CAST: variants seen among roughly 807,000 people sequenced by gnomAD.
CAST encodes MIR583 host.
A neutral mutation model predicts 119.6 loss-of-function variants in CAST; 76 were observed. That is an observed-to-expected ratio of 0.64 (90% CI 0.53 to 0.77). The LOEUF (loss-of-function observed/expected upper bound fraction) is 0.77, where lower values mean the gene tolerates loss of function less well. CAST is among the 30% of genes least tolerant of loss of function. CAST has a pLI of 0.00. For missense variants in CAST, 953 were observed against 946.5 expected (o/e 1.01, Z -0.09); for synonymous variants, 319 against 331.6 (o/e 0.96, Z 0.41).
intron 1 of CAST, among the ~76,000 whole-genome samples, chr5:96,674,027 C>T (rs542208113): frequency 1.3e-5 from 2 of 152,244 alleles, no homozygotes; most frequent in South Asian, 2.1e-4. Context: ...AAAACACTAT[C>T]GAGAAAGGAT....
the CAST span, among the ~76,000 whole-genome samples, chr5:96,307,484 T>A: frequency 6.6e-6 from 1 of 152,234 alleles, no homozygotes. Flanking sequence ...GTGCATTTGA[T>A]CCTGTCATTA....
At chr5:96,556,633 A>T (rs977688005) in intron 1 of CAST, among the ~76,000 whole-genome samples, 7 of 152,234 alleles carry the variant, frequency 4.6e-5, no homozygotes, top group Admixed American at 4.6e-4. Context: ...AATGAATGAA[A>T]TGAAGTGAGA....
chr5:96,181,876 T>C, the CAST span, among the ~76,000 whole-genome samples: 1 of 152,346 alleles, frequency 6.6e-6, no homozygotes, highest in Non-Finnish European at 1.5e-5. Flanking sequence ...AATTTTGTTA[T>C]ATAAACATAC....
chr5:96,724,129 T>G (rs1201412471), intron 4 of CAST, among the ~76,000 whole-genome samples: 1 of 152,238 alleles, frequency 6.6e-6, no homozygotes, highest in African/African-American at 2.4e-5. Flanking sequence ...TAATCTATAA[T>G]TAATGTTAGC....
At chr5:96,108,848 T>G in the CAST span, among the ~76,000 whole-genome samples, 2 of 152,228 alleles carry the variant, frequency 1.3e-5, no homozygotes, top group African/African-American at 4.8e-5. Context: ...CAGTTGGATC[T>G]CAGACTCCTG....
chr5:96,692,765 C>G (rs1752877253), intron 2 of CAST, among the ~76,000 whole-genome samples: 1 of 152,194 alleles, frequency 6.6e-6, no homozygotes. Flanking sequence ...TCAGGACTCA[C>G]CATTCTCTGA....
chr5:96,510,507 G>C, the CAST span, among the ~76,000 whole-genome samples: 1 of 152,098 alleles, frequency 6.6e-6, no homozygotes, highest in Non-Finnish European at 1.5e-5. Flanking sequence ...CACCGATCTT[G>C]TTTTGTTCTT....
In CAST at chr5:96,645,120, G is replaced by A. The variant is rs1747998634; in HGVS notation, c.61-30419G>A. Reference sequence around the variant, plus strand: ...TCATGTCCCCTTCGACTCCTCTGGGGCCTGTGACAGTTTTTAAGACTTTCC... The same window carrying A: ...TCATGTCCCCTTCGACTCCTCTGGGACCTGTGACAGTTTTTAAGACTTTCC... On this transcript the variant is annotated intron_variant, in intron 1 of 11. Transcript: ENST00000505143. Among the ~76,000 whole-genome samples, 3 of 152,012 alleles carry A rather than the reference G, an allele frequency of 2.0e-5. No homozygotes were observed. The South Asian group carries it at 6.2e-4, about 32-fold the overall frequency.
At chr5:96,089,000 C>T in the CAST span, among the ~76,000 whole-genome samples, 29 of 151,634 alleles carry the variant, frequency 1.9e-4, no homozygotes, top group Admixed American at 1.4e-3. Context: ...ACTTTGTCAG[C>T]ATCATCTAAT....
chr5:96,473,838 G>T, the CAST span, among the ~76,000 whole-genome samples: 1 of 152,262 alleles, frequency 6.6e-6, no homozygotes, highest in African/African-American at 2.4e-5. Context: ...ATGTAGGTGG[G>T]TAACTAGCAG....
the CAST span, among the ~76,000 whole-genome samples, chr5:96,501,489 T>C: frequency 6.6e-6 from 1 of 152,216 alleles, no homozygotes; most frequent in African/African-American, 2.4e-5. Context: ...ATGGTAACCA[T>C]GCAATCATAA....
intron 1 of CAST, among the ~76,000 whole-genome samples, chr5:96,578,641 A>G (rs1416451531): frequency 6.6e-6 from 1 of 152,090 alleles, no homozygotes; most frequent in Non-Finnish European, 1.5e-5. Flanking sequence ...TTGTTGAAAC[A>G]TTTTCATGAC....
At chr5:96,287,630 T>C in the CAST span, among the ~76,000 whole-genome samples, 3 of 152,174 alleles carry the variant, frequency 2.0e-5, no homozygotes, top group African/African-American at 4.8e-5. Flanking sequence ...ATAAGAACTA[T>C]ATAAAACACT....
chr5:96,389,530 A>G, the CAST span, among the ~76,000 whole-genome samples: 1 of 152,202 alleles, frequency 6.6e-6, no homozygotes, highest in Non-Finnish European at 1.5e-5. Flanking sequence ...GATTCTGGGG[A>G]AAAACCAGTT....
the CAST span, among the ~76,000 whole-genome samples, chr5:96,066,321 C>G: frequency 6.6e-6 from 1 of 151,970 alleles, no homozygotes; most frequent in Non-Finnish European, 1.5e-5. Flanking sequence ...TTCTGACTCT[C>G]TTTTCCCCAT....
chr5:96,547,528 C>T lies in CAST; in HGVS notation c.60+17648C>T, dbSNP rs144800014. Among the ~76,000 whole-genome samples, 7 of 152,318 alleles carry T rather than the reference C, an allele frequency of 4.6e-5. No individual in the cohort carries two copies. In the South Asian group the frequency reaches 6.2e-4, roughly 14 times the overall value. ...GGATGAAGTTCACTAACACTGGTGT[C>T]GACTATCTTCTTTACTCATTTTATT... On this transcript the variant is annotated intron_variant, in intron 1 of 11. Transcript: ENST00000505143.
At chr5:96,613,092 A>C (rs762757937) in intron 1 of CAST, among the ~76,000 whole-genome samples, 12 of 152,220 alleles carry the variant, frequency 7.9e-5, no homozygotes, top group Non-Finnish European at 1.3e-4. Flanking sequence ...CACTGCCTGA[A>C]CTACTATAGT....
chr5:96,121,590 T>C, the CAST span, among the ~76,000 whole-genome samples: 1 of 152,162 alleles, frequency 6.6e-6, no homozygotes, highest in East Asian at 1.9e-4. Flanking sequence ...GGCTCTGAAG[T>C]TGAATCAAGC....
intron 1 of CAST, among the ~76,000 whole-genome samples, chr5:96,565,781 G>A (rs1307463284): frequency 6.6e-6 from 1 of 152,186 alleles, no homozygotes; most frequent in Non-Finnish European, 1.5e-5. Flanking sequence ...GTACCGGGCA[G>A]AAGGGAATAC....
Sources: allele counts gnomAD v4.1 joint callset (sites outside exome capture counted in the v4.1 genomes callset), GRCh38; gene constraint gnomAD v4.1.1; transcripts MANE v1.5; gene names NCBI Gene and HGNC (gene_info 2026-07-23, HGNC 2026-07-21).